GRIK2: variants seen among roughly 807,000 people sequenced by gnomAD.
GRIK2 encodes the protein glutamate ionotropic receptor kainate type subunit 2.
Under a neutral mutation model 100.3 loss-of-function variants are expected in GRIK2, and 32 were observed. That is an observed-to-expected ratio of 0.32 (90% CI 0.24 to 0.43). The LOEUF (loss-of-function observed/expected upper bound fraction) is 0.43. GRIK2 is among the 20% of genes least tolerant of loss of function. The pLI, the probability that GRIK2 is intolerant of heterozygous loss-of-function variation, is 1.00. For synonymous variants in GRIK2, 417 were observed against 389.4 expected (o/e 1.07, Z -0.83); for missense variants, 843 against 1,114.9 (o/e 0.76, Z 3.47).
At chr6:101,983,734 T>C (rs1173361079) in intron 14 of GRIK2, among the ~76,000 whole-genome samples, 1 of 151,734 alleles carries the variant, frequency 6.6e-6, no homozygotes, top group African/African-American at 2.4e-5. Context: ...CTTATCAATC[T>C]CAAAGAAAAT....
At chr6:101,567,230 G>A (rs1272315674) in intron 2 of GRIK2, among the ~76,000 whole-genome samples, 1 of 151,736 alleles carries the variant, frequency 6.6e-6, no homozygotes, top group Admixed American at 6.6e-5. Flanking sequence ...TTTTCTTATA[G>A]TTTGATTCTT....
chr6:102,053,806 G>T (rs1295060257), intron 15 of GRIK2, among the ~76,000 whole-genome samples: 1 of 152,074 alleles, frequency 6.6e-6, no homozygotes, highest in Non-Finnish European at 1.5e-5. Flanking sequence ...TAGGAAAATA[G>T]AACATATCTC....
chr6:101,583,918 G>A (rs1164878508), intron 2 of GRIK2, among the ~76,000 whole-genome samples: 2 of 151,978 alleles, frequency 1.3e-5, no homozygotes, highest in Admixed American at 6.6e-5. Flanking sequence ...CAGCTTTGAT[G>A]TGAACAAAAG....
chr6:101,644,730 A>T (rs1009204393), intron 4 of GRIK2, among the ~76,000 whole-genome samples: 4 of 151,824 alleles, frequency 2.6e-5, no homozygotes, highest in Non-Finnish European at 5.9e-5. Flanking sequence ...GAACATTAAA[A>T]GGTTATTAAG....
At chr6:101,642,266 T>G (rs1051230815) in intron 4 of GRIK2, among the ~76,000 whole-genome samples, 2 of 152,022 alleles carry the variant, frequency 1.3e-5, no homozygotes, top group South Asian at 2.1e-4. Flanking sequence ...ACATACAATT[T>G]GCCATCTTAA....
At chr6:101,658,654 G>A (rs1769378925) in intron 4 of GRIK2, among the ~76,000 whole-genome samples, 1 of 151,956 alleles carries the variant, frequency 6.6e-6, no homozygotes, top group Non-Finnish European at 1.5e-5. Context: ...CAGTGTAAAA[G>A]CATTGCTATT....
At chr6:101,941,354 G>A (rs1934673) in intron 14 of GRIK2, among the ~76,000 whole-genome samples, 1,720 of 152,114 alleles carry the variant, frequency 0.011, 34 homozygotes, top group African/African-American at 0.039. Flanking sequence ...ATGTTAACTG[G>A]TTTCACAATG....
At chr6:101,975,844 T>TATCTATCTATCCCTCC (rs1177005031) in intron 14 of GRIK2, among the ~76,000 whole-genome samples, 3 of 151,798 alleles carry the variant, frequency 2.0e-5, no homozygotes, top group Admixed American at 2.0e-4. Flanking sequence ...TCTATCTATC[T>TATCTATCTATCCCTCC]ATCCCTCCAT....
chr6:101,524,342 G>A (rs1030541427), intron 2 of GRIK2, among the ~76,000 whole-genome samples: 7 of 151,764 alleles, frequency 4.6e-5, no homozygotes, highest in Admixed American at 2.0e-4. Context: ...TAGCATATTC[G>A]AGTCTATCCT....
At chr6:101,963,657 T>C (rs374058933) in intron 14 of GRIK2, among the ~76,000 whole-genome samples, 2 of 151,930 alleles carry the variant, frequency 1.3e-5, no homozygotes, top group East Asian at 1.9e-4. Flanking sequence ...CGGCCACTTA[T>C]TTAGTTTAAT....
At chr6:101,987,920 T>G (rs1056906121) in intron 14 of GRIK2, among the ~76,000 whole-genome samples, 2 of 151,788 alleles carry the variant, frequency 1.3e-5, no homozygotes, top group African/African-American at 4.8e-5. Flanking sequence ...TACCCCTATT[T>G]ATAGATTCCA....
chr6:101,693,234 T>C (rs1772234545), intron 7 of GRIK2, among the ~76,000 whole-genome samples: 1 of 152,098 alleles, frequency 6.6e-6, no homozygotes, highest in Non-Finnish European at 1.5e-5. Context: ...GGTCATATTA[T>C]TTTTATAGGT....
chr6:101,725,021 C>A (rs1409881875), intron 7 of GRIK2, among the ~76,000 whole-genome samples: 1 of 152,046 alleles, frequency 6.6e-6, no homozygotes, highest in Non-Finnish European at 1.5e-5. Context: ...TTGCCTCCAA[C>A]ATTAAACTCT....
intron 14 of GRIK2, among the ~76,000 whole-genome samples, chr6:101,957,225 T>C (rs1260917513): frequency 6.6e-6 from 1 of 150,774 alleles, no homozygotes; most frequent in Admixed American, 6.6e-5. Context: ...GTGGTTTTAA[T>C]TTGCATTTCT....
chr6:101,855,778 T>C (rs1161001101), intron 10 of GRIK2, among the ~76,000 whole-genome samples: 1 of 151,688 alleles, frequency 6.6e-6, no homozygotes, highest in Non-Finnish European at 1.5e-5. Context: ...TAAAAGCAGA[T>C]TTAGTTTTTA....
intron 2 of GRIK2, among the ~76,000 whole-genome samples, chr6:101,493,119 A>G (rs1773229538): frequency 6.6e-6 from 1 of 151,996 alleles, no homozygotes; most frequent in African/African-American, 2.4e-5. Context: ...CAAGAAAGAG[A>G]AGAGTTTAGA....
intron 11 of GRIK2, among the ~76,000 whole-genome samples, chr6:101,876,481 A>G (rs1486062561): frequency 3.7e-5 from 2 of 54,592 alleles, no homozygotes; most frequent in Non-Finnish European, 7.8e-5. Flanking sequence ...GAAAACAAAA[A>G]CAAACACACA....
chr6:101,988,860 T>G (rs892197359), intron 14 of GRIK2, among the ~76,000 whole-genome samples: 1 of 152,022 alleles, frequency 6.6e-6, no homozygotes, highest in African/African-American at 2.4e-5. Context: ...AATTTTGAAG[T>G]CAAAGTATAA....
At chr6:101,748,640 CA>C (rs548188573) in intron 7 of GRIK2, among the ~76,000 whole-genome samples, 35 of 151,996 alleles carry the variant, frequency 2.3e-4, no homozygotes, top group African/African-American at 8.2e-4. Flanking sequence ...TATGTATCAC[CA>C]GTATATATCA....
Sources: allele counts gnomAD v4.1 joint callset (sites outside exome capture counted in the v4.1 genomes callset), GRCh38; gene constraint gnomAD v4.1.1; transcripts MANE v1.5; gene names NCBI Gene and HGNC (gene_info 2026-07-23, HGNC 2026-07-21).